SERPINB12: variants seen among roughly 807,000 people sequenced by gnomAD.
SERPINB12 encodes serpin family B member 12.
SERPINB12 carries 57 observed loss-of-function variants against 41.1 expected under a neutral mutation model. The observed-to-expected ratio is 1.39, with a 90% CI of 1.12 to 1.73. SERPINB12 has a LOEUF of 1.73. SERPINB12 is among the 40% of genes most tolerant of loss of function. The probability of loss-of-function intolerance (pLI) is 0.00; values close to 1 mark genes in which losing one functional copy is unlikely to be tolerated. For synonymous variants in SERPINB12, 180 were observed against 181.3 expected, an observed-to-expected ratio of 0.99 and a Z score of 0.06; for missense variants, 536 against 501.9, an observed-to-expected ratio of 1.07 and a Z score of -0.65.
chr18:63,565,386 C>G (rs1911061143), intron 6 of SERPINB12, 59 bp from the exon 7 acceptor site: 3 of 1,495,860 alleles, frequency 2.0e-6, no homozygotes, highest in Non-Finnish European at 2.7e-6. Flanking sequence ...AAGCTGGGGC[C>G]ATATGAATTT....
At chr18:63,544,947 C>A (rs745758804) in intron 1 of SERPINB12, among the ~76,000 whole-genome samples, 1 of 152,078 alleles carries the variant, frequency 6.6e-6, no homozygotes, top group Non-Finnish European at 1.5e-5. Context: ...TGACAAAGAG[C>A]CCCTTTGTAA....
chr18:63,526,440 T>C, the SERPINB12 span, among the ~76,000 whole-genome samples: 1 of 152,220 alleles, frequency 6.6e-6, no homozygotes, highest in East Asian at 1.9e-4. Flanking sequence ...CCTGAGTAGT[T>C]GGGATTACAG....
At chr18:63,519,368 G>T in the SERPINB12 span, among the ~76,000 whole-genome samples, 1 of 152,160 alleles carries the variant, frequency 6.6e-6, no homozygotes. Context: ...ATCTGCTGTG[G>T]ATCTACTCTG....
the SERPINB12 span, among the ~76,000 whole-genome samples, chr18:63,527,209 G>T: frequency 5.9e-5 from 9 of 152,278 alleles, no homozygotes; most frequent in South Asian, 8.3e-4. Context: ...ACTAGTCAAT[G>T]CAGGCAGGGA....
At chr18:63,562,826 T>C (rs1442999861) in intron 5 of SERPINB12, among the ~76,000 whole-genome samples, 4 of 152,248 alleles carry the variant, frequency 2.6e-5, no homozygotes, top group South Asian at 2.1e-4. Context: ...GGGATTTAAA[T>C]AGAGCTCTTC....
intron 5 of SERPINB12, among the ~76,000 whole-genome samples, chr18:63,562,935 A>T (rs986841912): frequency 6.6e-6 from 1 of 152,160 alleles, no homozygotes. Flanking sequence ...TAAAGGTGGG[A>T]TATTGCCCGC....
chr18:63,519,823 C>G, the SERPINB12 span, among the ~76,000 whole-genome samples: 108 of 152,266 alleles, frequency 7.1e-4, no homozygotes, highest in Non-Finnish European at 1.2e-3. Context: ...GGTCCCATCT[C>G]TATAGGTTCT....
chr18:63,554,055 C>T (rs1910599298), intron 1 of SERPINB12, among the ~76,000 whole-genome samples: 1 of 152,084 alleles, frequency 6.6e-6, no homozygotes, highest in Non-Finnish European at 1.5e-5. Context: ...ACCCAGTTCC[C>T]AGATGCAAGA....
rs541425993 is a variant in SERPINB12 at position 63,566,696 on chromosome 18, G to A, written c.963G>A (p.Arg321=). ...AATCGGTGGTCCTGTCCTTCCCCCG[G>A]TTCACCCTGGAAGACAGCTATGATC... is the stretch of plus-strand genomic sequence containing the variant. ...SEESVVLSFP[R]FTLEDSYDLN... The change falls in exon 8 of 8, where the codon CGG becomes CGA. Residue 321 remains arginine, a synonymous_variant. Coordinates refer to ENST00000382768, the MANE Select transcript of SERPINB12 (RefSeq NM_001307928.2). The A allele has an allele frequency of 6.2e-6, 10 of 1,613,874 alleles. No homozygotes were observed. Among genetic ancestry groups the A allele is most frequent in the African/African-American group, 1.3e-5 (1 of 74,844 alleles).
chr18:63,556,518 T>C (rs1354395252), intron 2 of SERPINB12, among the ~76,000 whole-genome samples, 191 bp downstream of exon 2: 2 of 152,192 alleles, frequency 1.3e-5, no homozygotes, highest in African/African-American at 2.4e-5. Flanking sequence ...ATTCTTAAAG[T>C]CTCACTTAAA....
upstream of SERPINB12, among the ~76,000 whole-genome samples, chr18:63,537,536 A>G (rs1910197989): frequency 6.6e-6 from 1 of 152,160 alleles, no homozygotes; most frequent in East Asian, 1.9e-4. Flanking sequence ...TTAATTCTAC[A>G]CCCATATTTC....
intron 6 of SERPINB12, among the ~76,000 whole-genome samples, chr18:63,565,205 A>C (rs1362592641): frequency 6.6e-6 from 1 of 151,842 alleles, no homozygotes; most frequent in Non-Finnish European, 1.5e-5. Flanking sequence ...AAAAGCAAAC[A>C]CCTGGCCCCC....
chr18:63,524,649 A>G, the SERPINB12 span, among the ~76,000 whole-genome samples: 87,684 of 151,984 alleles, frequency 0.58, 27,536 homozygotes, highest in Middle Eastern at 0.72. Context: ...CAGAACTTCT[A>G]CAACATGCTT....
chr18:63,564,818 G>T (rs749994886), intron 6 of SERPINB12, among the ~76,000 whole-genome samples: 1 of 152,198 alleles, frequency 6.6e-6, no homozygotes, highest in African/African-American at 2.4e-5. Flanking sequence ...AGCTGGCAGG[G>T]CGTGTTTCTG....
In SERPINB12 at chr18:63,564,127, T is replaced by TATC. The variant is rs1299014508; in HGVS notation, c.705+9_705+11dup. ...ACCTTTCTGTCTAAATGCGGTAGTG[T>TATC]ATCAGAACTCATGGTTTTCTAGCTA... On this transcript the variant is annotated splice_region_variant and intron_variant, in intron 6 of 7. Coordinates refer to ENST00000382768, the MANE Select transcript of SERPINB12 (RefSeq NM_001307928.2). 4 of 1,606,296 alleles carry TATC rather than the reference T, an allele frequency of 2.5e-6. No individual in the cohort carries two copies. The highest frequency in any genetic ancestry group is 3.4e-5 in the Admixed American group (2 of 58,414).
At chr18:63,533,463 C>A in the SERPINB12 span, among the ~76,000 whole-genome samples, 1 of 152,132 alleles carries the variant, frequency 6.6e-6, no homozygotes, top group Non-Finnish European at 1.5e-5. Flanking sequence ...ACACTTAATG[C>A]CGAGTCTGAA....
intron 1 of SERPINB12, among the ~76,000 whole-genome samples, chr18:63,546,132 A>G (rs892715744): frequency 1.3e-5 from 2 of 152,212 alleles, no homozygotes; most frequent in African/African-American, 4.8e-5. Context: ...ATGTATTTGT[A>G]GGGTCATGGT....
chr18:63,555,709 T>C (rs991465301), intron 1 of SERPINB12, among the ~76,000 whole-genome samples: 2 of 152,092 alleles, frequency 1.3e-5, no homozygotes, highest in Non-Finnish European at 2.9e-5. Flanking sequence ...GGCAGAGACT[T>C]GAGTGATTTG....
At chr18:63,531,132 G>A in the SERPINB12 span, among the ~76,000 whole-genome samples, 1 of 152,180 alleles carries the variant, frequency 6.6e-6, no homozygotes, top group Non-Finnish European at 1.5e-5. Context: ...CCAAACCCCA[G>A]ATGCTCAAGA....
Sources: allele counts gnomAD v4.1 joint callset (sites outside exome capture counted in the v4.1 genomes callset), GRCh38; gene constraint gnomAD v4.1.1; transcripts MANE v1.5; gene names NCBI Gene and HGNC (gene_info 2026-07-23, HGNC 2026-07-21).